ADAM19: variants seen among roughly 807,000 people sequenced by gnomAD.
The protein encoded by ADAM19 is disintegrin and metalloproteinase domain-containing protein 19.
A neutral mutation model predicts 114.7 loss-of-function variants in ADAM19; 65 were observed. The observed-to-expected ratio is 0.57, with a 90% confidence interval of 0.46 to 0.70. The LOEUF is 0.70. Among genes scored for constraint, ADAM19 ranks in the 30% least tolerant of loss-of-function variants. The pLI is 0.00. For synonymous variants in ADAM19, 466 were observed against 460.5 expected (o/e 1.01, Z -0.15); for missense variants, 1,063 against 1,204.7 (o/e 0.88, Z 1.74).
intron 4 of ADAM19, 134 bp downstream of exon 4, chr5:157,537,779 G>T: frequency 1.4e-6 from 1 of 704,762 alleles, no homozygotes; most frequent in Non-Finnish European, 2.4e-6. Context: ...CTTCTCGTTT[G>T]CTCCCTTGGT....
Position 157,565,377 on chromosome 5 carries a change from G to A in ADAM19, c.181-934C>T, listed in dbSNP as rs183629054. Among the ~76,000 whole-genome samples, 179 of 152,172 alleles carry A rather than the reference G, an allele frequency of 1.2e-3. 3 individuals carry two copies. Among genetic ancestry groups the A allele is most frequent in the African/African-American group, 4.0e-3 (167 of 41,498 alleles). The stretch of plus-strand genomic sequence containing the variant: ...CCTACCACTGAGAATTTAAACTGAC[G>A]GCAACTCTCTGAAAGATAACATGAC... On this transcript the variant is annotated intron_variant, in intron 2 of 22. Transcript: ENST00000257527.
intron 3 of ADAM19, among the ~76,000 whole-genome samples, chr5:157,549,547 A>G (rs2113776691): frequency 6.6e-6 from 1 of 152,302 alleles, no homozygotes; most frequent in Admixed American, 6.5e-5. Context: ...ATTCTGCAAG[A>G]CAATATTTCA....
intron 5 of ADAM19, among the ~76,000 whole-genome samples, chr5:157,520,250 C>A (rs1756241655): frequency 6.6e-6 from 1 of 152,116 alleles, no homozygotes; most frequent in South Asian, 2.1e-4. Flanking sequence ...GGTGCATGAG[C>A]TCAGGGCACT....
In ADAM19 at chr5:157,491,714, T is replaced by C. The variant is rs1409718015; in HGVS notation, c.1996A>G (p.Asn666Asp). The change falls in exon 18 of 23, where the codon AAC (asparagine) becomes GAC (aspartate). Residue 666 changes from asparagine to aspartate, a missense_variant. Physicochemically the swap from Asn to Asp is conservative, Grantham distance 23 (BLOSUM62 1). Transcript: ENST00000257527. ...KKCNGHGVCNNNQNCHCLPGW... is the reference protein window; with the variant it reads ...KKCNGHGVCNDNQNCHCLPGW... ...GGCAGGCAGTGGCAGTTCTGGTTGT[T>C]GTTACAGACCTGGAGCAAAGAAAGG... 3 of 1,593,636 alleles carry C rather than the reference T, an allele frequency of 1.9e-6. No individual in the cohort carries two copies. In the Admixed American group the frequency reaches 5.2e-5, roughly 27 times the overall value.
intron 13 of ADAM19, among the ~76,000 whole-genome samples, chr5:157,498,785 G>A (rs1355551535): frequency 2.0e-5 from 3 of 151,448 alleles, no homozygotes; most frequent in Non-Finnish European, 4.4e-5. Context: ...CAAGGCTGGG[G>A]ATAACACCTT....
chr5:157,530,583 T>A (rs923265245), intron 5 of ADAM19, among the ~76,000 whole-genome samples: 3 of 152,182 alleles, frequency 2.0e-5, no homozygotes, highest in African/African-American at 7.2e-5. Context: ...ACAAAACCTA[T>A]ATTTTAAAAC....
In ADAM19 at chr5:157,479,081, C is replaced by T. The variant is rs1754674414; in HGVS notation, c.*1868G>A. On this transcript the variant is annotated 3_prime_UTR_variant, in exon 23 of 23. Coordinates refer to ENST00000257527, the MANE Select transcript of ADAM19 (RefSeq NM_033274.5). Reference sequence around the variant, plus strand: ...CACATTTAAATAAAAGGTTGGGCCACAGGAAAGGTGGGGAATGGATCTCCA... The same window carrying T: ...CACATTTAAATAAAAGGTTGGGCCATAGGAAAGGTGGGGAATGGATCTCCA... 1.0e-6 allele frequency: 1 copy of T among 985,662 alleles called. No individual in the cohort carries two copies. The highest frequency in any genetic ancestry group is 1.7e-5 in the African/African-American group (1 of 57,188). 61.1% of individuals were successfully genotyped at this position (985,662 alleles called of 1,614,324 possible).
At position 157,481,632 on chromosome 5, in the gene ADAM19, G is replaced by A. The variant is rs370913434; in HGVS notation, c.2703+159C>T. ...TGAAGCCAAAACTCCACAGTCAAGC[G>A]GGCACCAAGAAACATGAATGTTTTG... On this transcript the variant is annotated intron_variant, in intron 22 of 22. Transcript: ENST00000257527. 61 of 1,550,028 alleles carry A rather than the reference G, an allele frequency of 3.9e-5. No individual in the cohort carries two copies. The East Asian group carries it at 1.0e-3, about 26-fold the overall frequency.
At chr5:157,560,224 C>T (rs1331759145) in intron 3 of ADAM19, among the ~76,000 whole-genome samples, 8 of 140,854 alleles carry the variant, frequency 5.7e-5, no homozygotes, top group African/African-American at 2.1e-4. Context: ...GAGATCCCGC[C>T]ACTGCACTCC....
intron 6 of ADAM19, 82 bp downstream of exon 6, chr5:157,519,757 C>T: frequency 1.5e-6 from 2 of 1,304,066 alleles, no homozygotes; most frequent in Non-Finnish European, 2.1e-6. Flanking sequence ...TTTAGAAATA[C>T]TCCTGGATTC....
intron 3 of ADAM19, among the ~76,000 whole-genome samples, chr5:157,543,908 T>C (rs959861971): frequency 6.6e-6 from 1 of 152,208 alleles, no homozygotes; most frequent in Non-Finnish European, 1.5e-5. Flanking sequence ...TCAGTGAGTA[T>C]TGTTTTGTTT....
chr5:157,493,252 G>T (rs1208589407), intron 15 of ADAM19, 75 bp from the exon 16 acceptor site: 3 of 1,526,436 alleles, frequency 2.0e-6, no homozygotes, highest in Non-Finnish European at 2.7e-6. Context: ...GAGAGCTTCA[G>T]TCTTTCTTGA....
intron 5 of ADAM19, among the ~76,000 whole-genome samples, chr5:157,523,925 C>G (rs1201421379): frequency 6.6e-6 from 1 of 152,194 alleles, no homozygotes; most frequent in Non-Finnish European, 1.5e-5. Context: ...TTGAGAGAAA[C>G]AGAGGCTCAG....
At chr5:157,502,401 CTTG>C (rs1473743392) in intron 12 of ADAM19, among the ~76,000 whole-genome samples, 3 of 152,200 alleles carry the variant, frequency 2.0e-5, no homozygotes, top group African/African-American at 7.2e-5. Flanking sequence ...ACAGCATGAG[CTTG>C]TTATTTTAAG....
intron 21 of ADAM19, among the ~76,000 whole-genome samples, chr5:157,485,349 A>G (rs913386108): frequency 1.6e-4 from 25 of 152,372 alleles, no homozygotes; most frequent in African/African-American, 4.3e-4. Flanking sequence ...TCATAAATAT[A>G]CAACTAGATG....
rs549139376 is a variant in ADAM19 at position 157,480,433 on chromosome 5, G to C, written c.*516C>G. ...TTCCCTCAACCAAGCCCTGGGCAGG[G>C]CCACAGCAGTGGCTGGCTTGACCCT... On this transcript the variant is annotated 3_prime_UTR_variant, in exon 23 of 23. Transcript: ENST00000257527. The C allele has an allele frequency of 5.0e-6, 5 of 990,256 alleles. No homozygotes were observed. The East Asian group carries it at 5.6e-4, about 111-fold the overall frequency. 61.3% of individuals were successfully genotyped at this position (990,256 alleles called of 1,614,324 possible).
In ADAM19 at chr5:157,480,157, A is replaced by G. The variant is rs1754701292; in HGVS notation, c.*792T>C. 1 of 986,154 alleles carries G rather than the reference A, an allele frequency of 1.0e-6. No individual in the cohort carries two copies. The highest frequency in any genetic ancestry group is 1.2e-6 in the Non-Finnish European group (1 of 830,088). 61.1% of individuals were successfully genotyped at this position (986,154 alleles called of 1,614,324 possible). On this transcript the variant is annotated 3_prime_UTR_variant, in exon 23 of 23. Transcript: ENST00000257527. Reference sequence around the variant, plus strand: ...AATGAGAGGGGAAGGAAGAGAGAAAAGCGTGGGGCACCAGGAAAGTGCGGC... The same window carrying G: ...AATGAGAGGGGAAGGAAGAGAGAAAGGCGTGGGGCACCAGGAAAGTGCGGC...
rs1754702410 is a variant in ADAM19, at chr5:157,480,172, G to GA, written c.*776dup. 1 of 986,206 alleles carries GA rather than the reference G, an allele frequency of 1.0e-6. No homozygotes were observed. Among genetic ancestry groups the GA allele is most frequent in the East Asian group, 1.1e-4 (1 of 8,810 alleles). 61.1% of individuals were successfully genotyped at this position (986,206 alleles called of 1,614,324 possible). On this transcript the variant is annotated 3_prime_UTR_variant, in exon 23 of 23. Transcript: ENST00000257527. ...AAGAGAGAAAAGCGTGGGGCACCAGGAAAGTGCGGCAGAGAAAACAAAGAG... is the reference window on the plus strand; with the variant it reads ...AAGAGAGAAAAGCGTGGGGCACCAGGAAAAGTGCGGCAGAGAAAACAAAGAG...
chr5:157,560,137 C>T (rs1438996002), intron 3 of ADAM19, among the ~76,000 whole-genome samples: 3 of 149,836 alleles, frequency 2.0e-5, no homozygotes, highest in Non-Finnish European at 3.0e-5. Flanking sequence ...TAGTGGCGGG[C>T]GCCTGTAGTC....
Sources: allele counts gnomAD v4.1 joint callset (sites outside exome capture counted in the v4.1 genomes callset), GRCh38; gene constraint gnomAD v4.1.1; transcripts MANE v1.5; gene names NCBI Gene and HGNC (gene_info 2026-07-23, HGNC 2026-07-21).